PAM: variants seen among roughly 807,000 people sequenced by gnomAD.
PAM encodes peptidylglycine alpha-amidating monooxygenase, also known as peptidyl-glycine alpha-amidating monooxygenase.
PAM carries 72 observed loss-of-function variants against 122.1 expected under a neutral mutation model. That is an observed-to-expected ratio of 0.59 (90% CI 0.49 to 0.72). PAM has a LOEUF of 0.72. PAM is among the 30% of genes least tolerant of loss of function. The probability of loss-of-function intolerance (pLI) is 0.00; values close to 1 mark genes in which losing one functional copy is unlikely to be tolerated. For synonymous variants in PAM, 389 were observed against 404.4 expected (o/e 0.96, Z 0.46); for missense variants, 1,106 against 1,183.7 (o/e 0.93, Z 0.96).
At chr5:102,972,541 CA>C (rs1160715542) in intron 14 of PAM, among the ~76,000 whole-genome samples, 3 of 151,858 alleles carry the variant, frequency 2.0e-5, no homozygotes, top group Non-Finnish European at 4.4e-5. Flanking sequence ...CTGGGCCTCC[CA>C]AAGTGCTGGG....
At chr5:102,770,031 T>A (rs1755274374) in intron 1 of PAM, among the ~76,000 whole-genome samples, 2 of 152,104 alleles carry the variant, frequency 1.3e-5, no homozygotes, top group Admixed American at 6.6e-5. Flanking sequence ...CTCTTCAATT[T>A]CTTTCATCAA....
At chr5:102,766,584 A>G (rs750429209) in intron 1 of PAM, among the ~76,000 whole-genome samples, 18 of 152,180 alleles carry the variant, frequency 1.2e-4, no homozygotes, top group Non-Finnish European at 2.2e-4. Flanking sequence ...CCTGTTTCCA[A>G]CAGACCAAGG....
intron 1 of PAM, among the ~76,000 whole-genome samples, chr5:102,790,084 G>C (rs1348497438): frequency 1.3e-5 from 2 of 152,026 alleles, no homozygotes; most frequent in African/African-American, 4.8e-5. Context: ...GTAAATATTT[G>C]TTGATTGTTA....
intron 3 of PAM, among the ~76,000 whole-genome samples, chr5:102,881,859 C>T (rs1171227150): frequency 6.6e-6 from 1 of 150,758 alleles, no homozygotes; most frequent in African/African-American, 2.4e-5. Flanking sequence ...CCTTTTCTCC[C>T]AAAGTCCATT....
At chr5:102,965,773 T>A (rs1426019293) in intron 14 of PAM, among the ~76,000 whole-genome samples, 1 of 152,000 alleles carries the variant, frequency 6.6e-6, no homozygotes, top group Admixed American at 6.6e-5. Flanking sequence ...TGACCCCAGA[T>A]AGTTAAAGGT....
At chr5:102,946,458 G>C (rs971881699) in intron 7 of PAM, among the ~76,000 whole-genome samples, 1 of 151,472 alleles carries the variant, frequency 6.6e-6, no homozygotes, top group Non-Finnish European at 1.5e-5. Context: ...AAAGTCTTTT[G>C]TTTGGTGCAG....
intron 16 of PAM, among the ~76,000 whole-genome samples, chr5:102,997,287 A>G (rs1303460121): frequency 2.6e-5 from 4 of 151,996 alleles, no homozygotes; most frequent in Non-Finnish European, 4.4e-5. Flanking sequence ...TGGGAGGTGG[A>G]GTTGGGAGAA....
chr5:102,894,623 C>A (rs888400858), intron 3 of PAM, among the ~76,000 whole-genome samples: 1 of 151,742 alleles, frequency 6.6e-6, no homozygotes, highest in South Asian at 2.1e-4. Context: ...GAACTCCAGA[C>A]CTTGACCCAA....
intron 7 of PAM, among the ~76,000 whole-genome samples, chr5:102,941,937 G>A (rs1755394866): frequency 6.6e-6 from 1 of 151,474 alleles, no homozygotes; most frequent in East Asian, 1.9e-4. Flanking sequence ...ACAAGATCTG[G>A]ATCCGCTTTT....
intron 1 of PAM, among the ~76,000 whole-genome samples, chr5:102,781,621 T>G (rs986600709): frequency 3.9e-5 from 6 of 152,178 alleles, no homozygotes; most frequent in Non-Finnish European, 2.9e-5. Flanking sequence ...TTATAAAATA[T>G]TTTTAGCTTT....
chr5:102,873,142 T>G (rs149099700), intron 3 of PAM, among the ~76,000 whole-genome samples: 2 of 152,340 alleles, frequency 1.3e-5, no homozygotes, highest in Admixed American at 6.5e-5. Flanking sequence ...TTTTTAGTAC[T>G]TTAGGGGTTG....
At chr5:102,917,474 A>G (rs1291216546) in intron 5 of PAM, among the ~76,000 whole-genome samples, 1 of 152,212 alleles carries the variant, frequency 6.6e-6, no homozygotes, top group Non-Finnish European at 1.5e-5. Flanking sequence ...CTTAAAAATA[A>G]CCAGAAGTCA....
rs576064000 is a variant in PAM at position 102,900,691 on chromosome 5, T to A, written c.211-665T>A. Among the ~76,000 whole-genome samples the A allele has an allele frequency of 7.9e-5, 12 of 151,790 alleles. No homozygotes were observed. In the South Asian group the frequency reaches 1.0e-3, roughly 13 times the overall value. ...GCACATACTTTATTGTGTATGGATTTCCATTAAGGAAGTGGAGTACATTGA... is the reference window on the plus strand; with the variant it reads ...GCACATACTTTATTGTGTATGGATTACCATTAAGGAAGTGGAGTACATTGA... On this transcript the variant is annotated intron_variant, in intron 3 of 25. Transcript: ENST00000438793.
At chr5:102,889,730 G>A (rs1474804145) in intron 3 of PAM, among the ~76,000 whole-genome samples, 1 of 151,864 alleles carries the variant, frequency 6.6e-6, no homozygotes, top group Non-Finnish European at 1.5e-5. Context: ...GAAAAAGTCT[G>A]GCCAAGTGGC....
chr5:103,004,603 G>T (rs1217511288), intron 17 of PAM, among the ~76,000 whole-genome samples: 1 of 152,124 alleles, frequency 6.6e-6, no homozygotes, highest in Non-Finnish European at 1.5e-5. Context: ...CTTCTCTAAT[G>T]TTTATCTAGC....
intron 7 of PAM, among the ~76,000 whole-genome samples, chr5:102,932,128 C>G (rs771993181): frequency 1.1e-4 from 17 of 152,080 alleles, no homozygotes; most frequent in Non-Finnish European, 1.8e-4. Flanking sequence ...GCCAAATTTT[C>G]CAGAATGCTA....
chr5:102,932,664 T>A (rs1381758557), intron 7 of PAM, among the ~76,000 whole-genome samples: 4 of 149,322 alleles, frequency 2.7e-5, no homozygotes, highest in Non-Finnish European at 3.0e-5. Flanking sequence ...TATATATATA[T>A]AAAAAATAAA....
intron 7 of PAM, among the ~76,000 whole-genome samples, chr5:102,936,826 T>C (rs1161365241): frequency 6.6e-6 from 1 of 152,132 alleles, no homozygotes; most frequent in Non-Finnish European, 1.5e-5. Flanking sequence ...ACCTGCCTCA[T>C]TGATTTTTAT....
At chr5:102,839,515 C>T (rs955290599) in intron 1 of PAM, among the ~76,000 whole-genome samples, 3 of 133,124 alleles carry the variant, frequency 2.3e-5, no homozygotes, top group South Asian at 4.7e-4. Context: ...CCAGCCTGGG[C>T]GACAGAGCAA....
Sources: allele counts gnomAD v4.1 joint callset (sites outside exome capture counted in the v4.1 genomes callset), GRCh38; gene constraint gnomAD v4.1.1; transcripts MANE v1.5; gene names NCBI Gene and HGNC (gene_info 2026-07-23, HGNC 2026-07-21).